COPS7A: variants seen among roughly 807,000 people sequenced by gnomAD.
COPS7A encodes COP9 signalosome complex subunit 7a.
In COPS7A, 20 loss-of-function variants were observed where a neutral mutation model predicts 35.2. The observed-to-expected ratio is 0.57, with a 90% CI of 0.40 to 0.83. The LOEUF (loss-of-function observed/expected upper bound fraction) is 0.83. COPS7A is among the 40% of genes least tolerant of loss of function. COPS7A has a pLI of 0.00. For synonymous variants in COPS7A, 139 were observed against 141.4 expected, an observed-to-expected ratio of 0.98 and a Z score of 0.12; for missense variants, 247 against 347.5, an observed-to-expected ratio of 0.71 and a Z score of 2.30.
chr12:6,728,767 C>T lies in COPS7A; in HGVS notation c.327+456C>T, dbSNP rs573544676. ...CTGCAACCTCGCAATAGTTACTTGA[C>T]TCTCAGTTGTCCTTGGGATTTAATT... On this transcript the variant is annotated intron_variant, in intron 4 of 7. Transcript: ENST00000543155. 2.0e-5 allele frequency among the ~76,000 whole-genome samples: 3 copies of T among 152,350 alleles called. No homozygotes were observed. The East Asian group carries it at 5.8e-4, about 29-fold the overall frequency.
intron 2 of COPS7A, among the ~76,000 whole-genome samples, chr12:6,725,347 T>C (rs142470537): frequency 0.016 from 2,419 of 152,104 alleles, 83 homozygotes; most frequent in Admixed American, 0.089. Context: ...TTAGTAGAGA[T>C]GGGATTTCAC....
chr12:6,724,778 A>G lies in COPS7A; in HGVS notation c.122A>G (p.Tyr41Cys). ...IHQVLEAPGV[Y>C]VFGELLDMPN... is the part of the protein sequence containing the mutation. ...CAGGTGCTGGAGGCCCCTGGTGTCT[A>G]CGTGTTTGGAGAACTGCTGGACATG... Residue 41 changes from tyrosine to cysteine, a missense_variant, in exon 2 of 8, where the codon TAC becomes TGC. Coordinates refer to ENST00000543155, the MANE Select transcript of COPS7A (RefSeq NM_001164094.2). 1 of 1,614,130 alleles carries G rather than the reference A, an allele frequency of 6.2e-7. No homozygotes were observed. Among genetic ancestry groups the G allele is most frequent in the Non-Finnish European group, 8.5e-7 (1 of 1,180,014 alleles).
At chr12:6,728,738 C>G (rs941683631) in intron 4 of COPS7A, among the ~76,000 whole-genome samples, 3 of 152,188 alleles carry the variant, frequency 2.0e-5, no homozygotes, top group African/African-American at 7.2e-5. Context: ...CCAGCCTGCC[C>G]AGTCTGCAAC....
intron 3 of COPS7A, 109 bp from the exon 4 acceptor site, chr12:6,728,114 T>G: frequency 6.9e-7 from 1 of 1,453,842 alleles, no homozygotes; most frequent in Non-Finnish European, 9.6e-7. Flanking sequence ...ATGCATAGGG[T>G]CAGGGTCAAG....
In COPS7A at chr12:6,729,168, G is replaced by T; in HGVS notation, c.328-79G>T. The T allele has an allele frequency of 6.8e-7, 1 of 1,479,084 alleles. No homozygotes were observed. The allele number at this position is 1,479,084 out of a possible 1,614,324, so 91.6% of individuals were successfully genotyped here. ...GGAGGGCAGGTGGGCTAGGGCAGGG[G>T]GAAAAGGAGGGAAGATTTTTGGAAG... On this transcript the variant is annotated intron_variant, in intron 4 of 7. Transcript: ENST00000543155. The surrounding 1 kb of genome is among the most constrained non-coding windows in gnomAD (Gnocchi z 4.2).
chr12:6,730,922 G>A, intron 7 of COPS7A, 78 bp from the exon 8 acceptor site: 1 of 1,586,248 alleles, frequency 6.3e-7, no homozygotes. Context: ...TGGGAGTAGG[G>A]AGTGGGGGAG....
Position 6,731,638 on chromosome 12 carries a change from A to C in COPS7A, c.*599A>C, listed in dbSNP as rs970901851. On this transcript the variant is annotated 3_prime_UTR_variant, in exon 8 of 8. Coordinates refer to ENST00000543155, the MANE Select transcript of COPS7A (RefSeq NM_001164094.2). Reference sequence around the variant, plus strand: ...CTGGGAATGCTGCTGCTTCAACCCCAGAGCCTAAGAATGGCAGCCGTTTCT... The same window carrying C: ...CTGGGAATGCTGCTGCTTCAACCCCCGAGCCTAAGAATGGCAGCCGTTTCT... The C allele has an allele frequency of 1.9e-5, 3 of 155,046 alleles. No homozygotes were observed. The highest frequency in any genetic ancestry group is 6.5e-5 in the Admixed American group (1 of 15,354). The allele number at this position is 155,046 out of a possible 1,614,324, so 9.6% of individuals were successfully genotyped here.
At chr12:6,724,842 C>T (rs762605107) in intron 2 of COPS7A, 24 bp downstream of exon 2, 15 of 1,610,586 alleles carry the variant, frequency 9.3e-6, no homozygotes, top group South Asian at 2.2e-5. Flanking sequence ...TTGAATAGCC[C>T]TCAGAGAAGC....
Position 6,730,828 on chromosome 12 carries a change from A to C in COPS7A, c.788+8A>C, listed in dbSNP as rs1941374375. ...AGCCTCAAAGGGCAAGGGGTGAGCC[A>C]GGGTAGCAGGAACTGCTCACTTGCA... is the stretch of plus-strand genomic sequence containing the variant. On this transcript the variant is annotated splice_region_variant and intron_variant, in intron 7 of 7. Transcript: ENST00000543155. 1.2e-6 allele frequency: 2 copies of C among 1,613,800 alleles called. No homozygotes were observed. The highest frequency in any genetic ancestry group is 2.7e-5 in the African/African-American group (2 of 74,922).
At chr12:6,730,891 C>T (rs118080174) in intron 7 of COPS7A, 71 bp downstream of exon 7, 59,387 of 1,596,202 alleles carry the variant, frequency 0.037, 1,316 homozygotes, top group Admixed American at 0.094. Flanking sequence ...TCACTGTCCT[C>T]ATTTCCTTCA....
Position 6,729,327 on chromosome 12 carries a change from G to A in COPS7A, c.408G>A (p.Val136=). The A allele has an allele frequency of 6.2e-7, 1 of 1,614,182 alleles. No individual in the cohort carries two copies. The highest frequency in any genetic ancestry group is 8.5e-7 in the Non-Finnish European group (1 of 1,180,040). ...RQLEDLVIEA[V]YADVLRGSLD... ...TGGAAGACCTTGTGATTGAGGCTGT[G>A]TATGCTGACGTGCTTCGTGGCTCCC... The change falls in exon 5 of 8, where the codon GTG becomes GTA. Residue 136 remains valine (V), a synonymous_variant. Coordinates refer to ENST00000543155, the MANE Select transcript of COPS7A (RefSeq NM_001164094.2). This position sits in a 1 kb window ranked among gnomAD's most constrained non-coding sequence, Gnocchi z 4.2.
chr12:6,726,794 C>A (rs186906033), intron 2 of COPS7A, among the ~76,000 whole-genome samples: 1 of 151,956 alleles, frequency 6.6e-6, no homozygotes, highest in Non-Finnish European at 1.5e-5. Flanking sequence ...TATTAAGTGG[C>A]TCTTTACTAC....
At chr12:6,728,615 G>A (rs906679761) in intron 4 of COPS7A, among the ~76,000 whole-genome samples, 1 of 152,178 alleles carries the variant, frequency 6.6e-6, no homozygotes, top group Non-Finnish European at 1.5e-5. Flanking sequence ...TGGAAACAGG[G>A]CTCTCCTGAT....
Position 6,731,237 on chromosome 12 carries a change from C to T in COPS7A, c.*198C>T. The T allele has an allele frequency of 6.8e-7, 1 of 1,467,712 alleles. No homozygotes were observed. Among genetic ancestry groups the T allele is most frequent in the African/African-American group, 1.4e-5 (1 of 70,700 alleles). The allele number at this position is 1,467,712 out of a possible 1,614,324, so 90.9% of individuals were successfully genotyped here. Reference sequence around the variant, plus strand: ...TAGGTCATGTTTTTGTTGGTACTTTCTGTTTTTTGTGACTTCATGTGTTCC... The same window carrying T: ...TAGGTCATGTTTTTGTTGGTACTTTTTGTTTTTTGTGACTTCATGTGTTCC... On this transcript the variant is annotated 3_prime_UTR_variant, in exon 8 of 8. Transcript: ENST00000543155.
intron 4 of COPS7A, chr12:6,728,948 T>G (rs1941322153): frequency 2.4e-6 from 1 of 419,818 alleles, no homozygotes; most frequent in Non-Finnish European, 4.5e-6. Flanking sequence ...TACCCTGAGC[T>G]GTGGCTAAAG....
chr12:6,728,025 G>A, intron 3 of COPS7A, 24 bp downstream of exon 3: 3 of 1,611,334 alleles, frequency 1.9e-6, no homozygotes, highest in Non-Finnish European at 2.5e-6. Context: ...TTGGTGCTCT[G>A]GAGTAATGGA....
At chr12:6,725,359 G>A (rs1430978329) in intron 2 of COPS7A, among the ~76,000 whole-genome samples, 1 of 152,046 alleles carries the variant, frequency 6.6e-6, no homozygotes. Context: ...GGATTTCACT[G>A]TGTTAGCCAG....
rs1431159347 is a variant in COPS7A, at chr12:6,729,952, T to C, written c.531-450T>C. 6.6e-6 allele frequency among the ~76,000 whole-genome samples: 1 copy of C among 152,154 alleles called. No homozygotes were observed. Among genetic ancestry groups the C allele is most frequent in the Non-Finnish European group, 1.5e-5 (1 of 68,020 alleles). On this transcript the variant is annotated intron_variant, in intron 5 of 7. Coordinates refer to ENST00000543155, the MANE Select transcript of COPS7A (RefSeq NM_001164094.2). This position sits in a 1 kb window ranked among gnomAD's most constrained non-coding sequence, Gnocchi z 4.2. ...TATCCCTCTCTGACCACACCGAGTG[T>C]CCATCCCACTGCTAGGAGTGTTATC...
At chr12:6,724,233 G>A (rs1941190558) in intron 1 of COPS7A, 54 bp downstream of exon 1, 1 of 312,928 alleles carries the variant, frequency 3.2e-6, no homozygotes, top group African/African-American at 2.3e-5. Flanking sequence ...GTCTTTAAGG[G>A]AGGGGGCGGA....
Sources: gnomAD v4.1 joint callset for allele counts (sites outside exome capture counted in the v4.1 genomes callset) on GRCh38, gnomAD v4.1.1 for gene constraint, Gnocchi (gnomAD v3.1) non-coding constraint, MANE v1.5 for transcripts, NCBI Gene and HGNC (gene_info 2026-07-23, HGNC 2026-07-21) for gene names.